Variants in FBXL2 observed in about 807,000 individuals in gnomAD.
FBXL2 encodes F-box and leucine rich repeat protein 2.
A neutral mutation model predicts 69.2 loss-of-function variants in FBXL2; 38 were observed. The observed-to-expected ratio is 0.55, with a 90% confidence interval of 0.42 to 0.72. FBXL2 has a LOEUF of 0.72. Among genes scored for constraint, FBXL2 ranks in the 30% least tolerant of loss-of-function variants. FBXL2 has a pLI of 0.00. For missense variants in FBXL2, 354 were observed against 520.3 expected (o/e 0.68, Z 3.11); for synonymous variants, 192 against 201.3 (o/e 0.95, Z 0.39).
intron 2 of FBXL2, chr3:33,300,671 TTC>T (rs2125725850): frequency 6.6e-6 from 1 of 152,288 alleles, no homozygotes; most frequent in South Asian, 2.1e-4. Context: ...AGACTTTCCA[TTC>T]TCTGTGTAGC....
At chr3:33,371,736 T>G (rs1385096858) in intron 5 of FBXL2, among the ~76,000 whole-genome samples, 1 of 152,196 alleles carries the variant, frequency 6.6e-6, no homozygotes, top group African/African-American at 2.4e-5. Context: ...CTTTGTTGGG[T>G]GCAGATATTT....
At chr3:33,283,929 T>A (rs1165589440) in intron 1 of FBXL2, among the ~76,000 whole-genome samples, 1 of 152,180 alleles carries the variant, frequency 6.6e-6, no homozygotes, top group Middle Eastern at 3.2e-3. Context: ...TCTATTTGAT[T>A]CTTCTCTCTT....
At chr3:33,279,346 C>T (rs895753948) in intron 1 of FBXL2, among the ~76,000 whole-genome samples, 4 of 151,980 alleles carry the variant, frequency 2.6e-5, no homozygotes, top group African/African-American at 7.3e-5. Context: ...TCTCGGCTCA[C>T]TGCAAGCTCC....
At chr3:33,346,754 G>C (rs954798220) in intron 2 of FBXL2, among the ~76,000 whole-genome samples, 7 of 151,980 alleles carry the variant, frequency 4.6e-5, no homozygotes. Flanking sequence ...AAATGAAAGG[G>C]ATTGTTGTTG....
chr3:33,325,759 T>C (rs1044192537), intron 2 of FBXL2, among the ~76,000 whole-genome samples: 1 of 152,322 alleles, frequency 6.6e-6, no homozygotes, highest in South Asian at 2.1e-4. Flanking sequence ...TTAATTTGAT[T>C]TATAGTGTGT....
At chr3:33,300,114 G>T (rs1575119243) in intron 2 of FBXL2, among the ~76,000 whole-genome samples, 1 of 152,062 alleles carries the variant, frequency 6.6e-6, no homozygotes, top group East Asian at 1.9e-4. Context: ...GGCCCATGTT[G>T]GTCACTAAAC....
chr3:33,349,736 TCTTTA>T (rs2040700882), intron 2 of FBXL2, among the ~76,000 whole-genome samples: 2 of 152,198 alleles, frequency 1.3e-5, no homozygotes, highest in Admixed American at 6.5e-5. Flanking sequence ...CCTGAGCTTT[TCTTTA>T]CTTTAGTGAC....
intron 5 of FBXL2, 98 bp downstream of exon 5, chr3:33,364,817 TC>T: frequency 9.1e-7 from 1 of 1,093,496 alleles, no homozygotes; most frequent in Non-Finnish European, 1.4e-6. Context: ...CTGTTAAAAT[TC>T]TTTCTGTGGT....
intron 2 of FBXL2, among the ~76,000 whole-genome samples, chr3:33,333,861 C>CA (rs1456171970): frequency 6.6e-6 from 1 of 152,100 alleles, no homozygotes; most frequent in African/African-American, 2.4e-5. Flanking sequence ...ACATTTGAAC[C>CA]AAAAAGCAAA....
chr3:33,404,270 G>A (rs151287593), downstream of FBXL2, among the ~76,000 whole-genome samples: 541 of 152,170 alleles, frequency 3.6e-3, 2 homozygotes, highest in Non-Finnish European at 6.2e-3. Flanking sequence ...AACTTAGCTG[G>A]GCGTAGTGGC....
intron 1 of FBXL2, among the ~76,000 whole-genome samples, chr3:33,297,437 A>G (rs966561474): frequency 1.3e-5 from 2 of 152,126 alleles, no homozygotes; most frequent in African/African-American, 4.8e-5. Flanking sequence ...CCTCTAGTAC[A>G]ATGTAGTATC....
chr3:33,317,629 A>G (rs2037828964), intron 2 of FBXL2: 1 of 386,462 alleles, frequency 2.6e-6, no homozygotes, highest in South Asian at 2.0e-5. Context: ...TTTCTGTTCT[A>G]TTCCATTCCA....
intron 1 of FBXL2, chr3:33,289,629 T>C (rs1479768305): frequency 6.9e-6 from 2 of 288,564 alleles, no homozygotes; most frequent in African/African-American, 4.6e-5. Context: ...CAACAGTTAC[T>C]GACTGCACAT....
intron 2 of FBXL2, among the ~76,000 whole-genome samples, chr3:33,336,434 A>T (rs2039582891): frequency 6.6e-6 from 1 of 152,224 alleles, no homozygotes; most frequent in African/African-American, 2.4e-5. Flanking sequence ...ATATGCAAAG[A>T]GTAATCTGAA....
chr3:33,323,594 A>G (rs887117038), intron 2 of FBXL2, among the ~76,000 whole-genome samples: 1 of 152,200 alleles, frequency 6.6e-6, no homozygotes, highest in Non-Finnish European at 1.5e-5. Flanking sequence ...TTTGCTAAGA[A>G]TAATGGTTTC....
intron 2 of FBXL2, among the ~76,000 whole-genome samples, chr3:33,303,735 AT>A (rs1436264920): frequency 6.6e-6 from 1 of 152,276 alleles, no homozygotes; most frequent in East Asian, 1.9e-4. Flanking sequence ...GATATACATT[AT>A]AAGCAAGGGC....
At chr3:33,324,956 G>A (rs546389662) in intron 2 of FBXL2, among the ~76,000 whole-genome samples, 7 of 152,180 alleles carry the variant, frequency 4.6e-5, no homozygotes, top group Admixed American at 3.3e-4. Flanking sequence ...TTTTTCATTT[G>A]TTTGTGTCCT....
chr3:33,339,652 C>T (rs1360113341), intron 2 of FBXL2, among the ~76,000 whole-genome samples: 8 of 152,068 alleles, frequency 5.3e-5, no homozygotes, highest in Non-Finnish European at 1.0e-4. Flanking sequence ...TCCAGTGACA[C>T]ACAATTTACC....
At chr3:33,317,609 T>G (rs1448146909) in intron 2 of FBXL2, 1 of 438,814 alleles carries the variant, frequency 2.3e-6, no homozygotes, top group Non-Finnish European at 4.6e-6. Flanking sequence ...ATCCTAGCAG[T>G]AGGGGTATGT....
Sources: gnomAD v4.1 joint callset for allele counts (sites outside exome capture counted in the v4.1 genomes callset) on GRCh38, gnomAD v4.1.1 for gene constraint, MANE v1.5 for transcripts, NCBI Gene and HGNC (gene_info 2026-07-23, HGNC 2026-07-21) for gene names.